The following ATF7IP2 variants were observed in gnomAD, a reference collection of about 807,000 sequenced individuals.
The protein encoded by ATF7IP2 is activating transcription factor 7-interacting protein 2.
Under a neutral mutation model 64.2 loss-of-function variants are expected in ATF7IP2, and 42 were observed. The observed-to-expected ratio is 0.65, with a 90% CI of 0.51 to 0.85. The LOEUF (loss-of-function observed/expected upper bound fraction) is 0.85, where lower values mean the gene tolerates loss of function less well. Ranked by LOEUF, ATF7IP2 falls within the 40% of genes least tolerant of loss-of-function variation. The probability of loss-of-function intolerance (pLI) is 0.00; values close to 1 mark genes in which losing one functional copy is unlikely to be tolerated. For synonymous variants in ATF7IP2, 308 were observed against 272.8 expected (o/e 1.13, Z -1.27); for missense variants, 933 against 784.2 (o/e 1.19, Z -2.27).
At chr16:10,464,197 C>A (rs779847974) in intron 9 of ATF7IP2, among the ~76,000 whole-genome samples, 1 of 152,102 alleles carries the variant, frequency 6.6e-6, no homozygotes, top group Non-Finnish European at 1.5e-5. Context: ...GTGTGGGGCT[C>A]CATCATGGCT....
chr16:10,418,237 A>G (rs2047917754), intron 2 of ATF7IP2, among the ~76,000 whole-genome samples: 1 of 152,216 alleles, frequency 6.6e-6, no homozygotes, highest in African/African-American at 2.4e-5. Context: ...TGGTTCAGGA[A>G]CGCCTTAAGC....
At chr16:10,471,991 G>A (rs535880912) in intron 9 of ATF7IP2, 119 bp from the exon 10 acceptor site, 15 of 456,894 alleles carry the variant, frequency 3.3e-5, no homozygotes, top group South Asian at 5.0e-5. Flanking sequence ...TTCCCCCCAC[G>A]ATTGTTCAAT....
intron 1 of ATF7IP2, among the ~76,000 whole-genome samples, chr16:10,403,936 A>G (rs1262773599): frequency 6.6e-6 from 1 of 152,218 alleles, no homozygotes; most frequent in African/African-American, 2.4e-5. Context: ...AACATACGAG[A>G]CTACATAAAG....
At chr16:10,479,395 G>A (rs950110510) in intron 12 of ATF7IP2, among the ~76,000 whole-genome samples, 9 of 152,070 alleles carry the variant, frequency 5.9e-5, no homozygotes, top group Middle Eastern at 6.8e-3. Flanking sequence ...GTAAACTATC[G>A]CAAGAACAAA....
chr16:10,427,866 AAG>A (rs1449394017), intron 3 of ATF7IP2, among the ~76,000 whole-genome samples: 1 of 151,962 alleles, frequency 6.6e-6, no homozygotes, highest in Non-Finnish European at 1.5e-5. Context: ...AAAAAAAAAA[AAG>A]GAACTGGAGG....
intron 12 of ATF7IP2, among the ~76,000 whole-genome samples, chr16:10,477,650 GC>G (rs1360850791): frequency 1.3e-5 from 2 of 151,904 alleles, no homozygotes; most frequent in Admixed American, 1.3e-4. Context: ...TCTGGCCAGG[GC>G]AATTAGGCAG....
At chr16:10,395,502 A>G (rs1032367993) in intron 1 of ATF7IP2, among the ~76,000 whole-genome samples, 12 of 152,324 alleles carry the variant, frequency 7.9e-5, no homozygotes, top group African/African-American at 2.6e-4. Flanking sequence ...AGAAAACTGC[A>G]GAACGATGTT....
At chr16:10,404,500 G>T (rs1248325211) in intron 1 of ATF7IP2, among the ~76,000 whole-genome samples, 1 of 152,070 alleles carries the variant, frequency 6.6e-6, no homozygotes, top group Non-Finnish European at 1.5e-5. Flanking sequence ...ACCCACCTTG[G>T]CCTCCCAAAG....
rs537673623 is a variant in ATF7IP2 at position 10,474,866 on chromosome 16, G to C, written c.1549+877G>C. Among the ~76,000 whole-genome samples, 7 of 152,266 alleles carry C rather than the reference G, an allele frequency of 4.6e-5. No homozygotes were observed. In the South Asian group the frequency reaches 1.4e-3, roughly 32 times the overall value. On this transcript the variant is annotated intron_variant, in intron 12 of 13. Transcript: ENST00000562102. ...AGACAATTGAATGACTTCATTAAAA[G>C]GTTGGGGGAAAATAACTGTCAACCT... is the stretch of plus-strand genomic sequence containing the variant.
At position 10,480,987 on chromosome 16, in the gene ATF7IP2, A is replaced by AAGGG. The variant is rs754299239; in HGVS notation, c.1635+25_1635+28dup. The AAGGG allele has an allele frequency of 5.9e-6, 9 of 1,521,016 alleles. No individual in the cohort carries two copies. In the Admixed American group the frequency reaches 1.3e-4, roughly 23 times the overall value. The allele number at this position is 1,521,016 out of a possible 1,614,324, so 94.2% of individuals were successfully genotyped here. A position where few individuals can be genotyped will look rare whatever the true frequency, so the allele number is the denominator to read the frequency against. On this transcript the variant is annotated intron_variant, in intron 13 of 13. Transcript: ENST00000562102. ...CAGGTACTGAATCAAAGTGCTCTGTAAGGGATATTTATTCCAAATTGAGTG... is the reference window on the plus strand; with the variant it reads ...CAGGTACTGAATCAAAGTGCTCTGTAAGGGAGGGATATTTATTCCAAATTGAGTG...
chr16:10,457,242 T>A (rs1032229665), intron 8 of ATF7IP2, 130 bp from the exon 9 acceptor site: 1 of 735,668 alleles, frequency 1.4e-6, no homozygotes, highest in Non-Finnish European at 2.2e-6. Context: ...TCATCAGCCA[T>A]CGAAATACAT....
chr16:10,468,307 A>C (rs2049658273), intron 9 of ATF7IP2, among the ~76,000 whole-genome samples: 1 of 152,138 alleles, frequency 6.6e-6, no homozygotes, highest in African/African-American at 2.4e-5. Context: ...TGTTTTTTTA[A>C]ATCTGCATGG....
At chr16:10,391,181 C>T (rs983271134) in intron 1 of ATF7IP2, among the ~76,000 whole-genome samples, 1 of 146,444 alleles carries the variant, frequency 6.8e-6, no homozygotes, top group East Asian at 2.0e-4. Context: ...ATGTGCTGGG[C>T]GTGGGGGCTC....
chr16:10,461,596 A>G (rs963056873), intron 9 of ATF7IP2, among the ~76,000 whole-genome samples: 1 of 152,090 alleles, frequency 6.6e-6, no homozygotes, highest in African/African-American at 2.4e-5. Context: ...CAAAAGACTC[A>G]TATGATTCCA....
chr16:10,457,718 G>A (rs1223956892), intron 9 of ATF7IP2, 189 bp downstream of exon 9: 3 of 425,022 alleles, frequency 7.1e-6, no homozygotes, highest in Non-Finnish European at 1.2e-5. Flanking sequence ...GTTTTCTGGT[G>A]TTTTTTGAGA....
At chr16:10,436,320 C>G (rs1435729953) in intron 6 of ATF7IP2, among the ~76,000 whole-genome samples, 1 of 152,054 alleles carries the variant, frequency 6.6e-6, no homozygotes, top group Non-Finnish European at 1.5e-5. Context: ...CGGGATCACG[C>G]TGCTGCACTG....
chr16:10,482,723 T>C lies in ATF7IP2; in HGVS notation c.*474T>C, dbSNP rs765314638. On this transcript the variant is annotated 3_prime_UTR_variant, in exon 14 of 14. Coordinates refer to ENST00000562102, the MANE Select transcript of ATF7IP2 (RefSeq NM_001393719.1). ...TGGGCTGCATGATAAAAGTTAATTA[T>C]AAAAATTAAAAGATTTTTTTTTTTG... 6.6e-6 allele frequency: 1 copy of C among 151,702 alleles called. No individual in the cohort carries two copies. Among genetic ancestry groups the C allele is most frequent in the Non-Finnish European group, 1.5e-5 (1 of 67,824 alleles). The allele number at this position is 151,702 out of a possible 1,614,324, so 9.4% of individuals were successfully genotyped here. A position where few individuals can be genotyped will look rare whatever the true frequency, so the allele number is the denominator to read the frequency against.
intron 9 of ATF7IP2, among the ~76,000 whole-genome samples, chr16:10,470,903 A>C (rs1019439580): frequency 6.6e-6 from 1 of 151,646 alleles, no homozygotes; most frequent in African/African-American, 2.4e-5. Context: ...AGAGACCCAG[A>C]AGATGAAAAC....
intron 3 of ATF7IP2, among the ~76,000 whole-genome samples, chr16:10,426,336 A>G (rs903631801): frequency 1.3e-5 from 2 of 152,206 alleles, no homozygotes; most frequent in African/African-American, 2.4e-5. Flanking sequence ...ATTCAACTTC[A>G]CTGAACGGGT....
Sources: allele counts gnomAD v4.1 joint callset (sites outside exome capture counted in the v4.1 genomes callset), GRCh38; gene constraint gnomAD v4.1.1; transcripts MANE v1.5; gene names NCBI Gene and HGNC (gene_info 2026-07-23, HGNC 2026-07-21).